The following WWOX variants were observed in gnomAD, a reference collection of about 807,000 sequenced individuals.
The protein encoded by WWOX is WW domain-containing oxidoreductase.
In WWOX, 69 loss-of-function variants were observed where a neutral mutation model predicts 46.2. The ratio of observed to expected loss-of-function variants is 1.49; its 90% CI spans 1.23 to 1.82. The LOEUF is 1.82. Ranked by LOEUF, WWOX falls within the 40% of genes most tolerant of loss-of-function variation. The probability of loss-of-function intolerance (pLI) is 0.00; values close to 1 mark genes in which losing one functional copy is unlikely to be tolerated. For synonymous variants in WWOX, 359 were observed against 202.6 expected (o/e 1.77, Z -6.56); for missense variants, 919 against 542.6 (o/e 1.69, Z -6.89).
intron 8 of WWOX, among the ~76,000 whole-genome samples, chr16:78,500,878 C>G (rs1198806429): frequency 1.3e-5 from 2 of 152,172 alleles, no homozygotes; most frequent in Admixed American, 6.5e-5. Context: ...TTTTCTGGCT[C>G]AAAGAAGTTC....
intron 8 of WWOX, among the ~76,000 whole-genome samples, chr16:79,195,078 A>T (rs1201988889): frequency 6.6e-6 from 1 of 152,124 alleles, no homozygotes; most frequent in East Asian, 1.9e-4. Context: ...CGGATGGCTA[A>T]AGTGTGAGCA....
chr16:79,029,942 C>G lies in WWOX; in HGVS notation c.1057-181666C>G, dbSNP rs116402150. Among the ~76,000 whole-genome samples the G allele has an allele frequency of 3.8e-3, 577 of 152,182 alleles. 3 individuals carry two copies. Among genetic ancestry groups the G allele is most frequent in the African/African-American group, 0.012 (510 of 41,518 alleles). Reference sequence around the variant, plus strand: ...TACTGGTATAATAGGGGCCAAGAGCCGTTGTGTTTTATAATTTCTTGATGA... The same window carrying G: ...TACTGGTATAATAGGGGCCAAGAGCGGTTGTGTTTTATAATTTCTTGATGA... On this transcript the variant is annotated intron_variant, in intron 8 of 8. Coordinates refer to ENST00000566780, the MANE Select transcript of WWOX (RefSeq NM_016373.4).
At chr16:78,113,592 T>G (rs1306504999) in intron 3 of WWOX, among the ~76,000 whole-genome samples, 1 of 152,160 alleles carries the variant, frequency 6.6e-6, no homozygotes, top group South Asian at 2.1e-4. Context: ...CTGAGCCTGT[T>G]GCAGTGGGGT....
chr16:78,923,794 GTTTTTT>G (rs56852814), intron 8 of WWOX, among the ~76,000 whole-genome samples: 8 of 102,166 alleles, frequency 7.8e-5, no homozygotes, highest in African/African-American at 2.3e-4. Flanking sequence ...TTTTTAGTTA[GTTTTTT>G]TTTTTTTTTT....
chr16:79,132,428 C>A (rs1381434988), intron 8 of WWOX, among the ~76,000 whole-genome samples: 1 of 152,052 alleles, frequency 6.6e-6, no homozygotes, highest in Non-Finnish European at 1.5e-5. Context: ...AAGCCACAGC[C>A]AGTGTTACAG....
At chr16:78,964,033 G>C (rs906454890) in intron 8 of WWOX, among the ~76,000 whole-genome samples, 2 of 152,182 alleles carry the variant, frequency 1.3e-5, no homozygotes, top group Non-Finnish European at 2.9e-5. Context: ...GACCTCCCCA[G>C]CCATGTAGAA....
At chr16:78,765,325 C>T (rs1269490723) in intron 8 of WWOX, among the ~76,000 whole-genome samples, 1 of 152,226 alleles carries the variant, frequency 6.6e-6, no homozygotes, top group African/African-American at 2.4e-5. Flanking sequence ...AGGCGTTGAA[C>T]ACTAGGGTGA....
intron 5 of WWOX, among the ~76,000 whole-genome samples, chr16:78,355,042 G>A (rs1004075408): frequency 2.0e-5 from 3 of 151,986 alleles, no homozygotes; most frequent in East Asian, 1.9e-4. Flanking sequence ...TGAGGCAGGC[G>A]AACTGCTTGA....
chr16:79,101,887 G>A (rs996252175), intron 8 of WWOX: 2 of 151,340 alleles, frequency 1.3e-5, no homozygotes, highest in Admixed American at 6.6e-5. Context: ...AGAGTGGAAG[G>A]CTTTCATGCA....
At chr16:78,189,002 A>T (rs2035797042) in intron 5 of WWOX, among the ~76,000 whole-genome samples, 1 of 152,082 alleles carries the variant, frequency 6.6e-6, no homozygotes, top group Non-Finnish European at 1.5e-5. Flanking sequence ...CAGGAAGGTA[A>T]AATTTGGAGG....
At chr16:78,735,259 C>A (rs1045565335) in intron 8 of WWOX, among the ~76,000 whole-genome samples, 2 of 152,060 alleles carry the variant, frequency 1.3e-5, no homozygotes, top group South Asian at 4.2e-4. Context: ...AACTACACAT[C>A]AGTTCTCCTG....
At chr16:78,995,482 T>C (rs1003748248) in intron 8 of WWOX, among the ~76,000 whole-genome samples, 2 of 152,118 alleles carry the variant, frequency 1.3e-5, no homozygotes, top group African/African-American at 4.8e-5. Context: ...TAAAACCAAG[T>C]TCTTTGTAAA....
At chr16:78,962,439 G>C (rs1229547039) in intron 8 of WWOX, among the ~76,000 whole-genome samples, 4 of 150,520 alleles carry the variant, frequency 2.7e-5, no homozygotes, top group Non-Finnish European at 5.9e-5. Context: ...TTTCCTTGTA[G>C]GCCAAGCTTA....
chr16:78,680,776 T>C (rs2047711412), intron 8 of WWOX, among the ~76,000 whole-genome samples: 1 of 152,140 alleles, frequency 6.6e-6, no homozygotes. Context: ...ATGGAGCACT[T>C]AGCCCAGTGT....
intron 8 of WWOX, among the ~76,000 whole-genome samples, chr16:79,092,911 C>T (rs1158837821): frequency 6.6e-6 from 1 of 152,166 alleles, no homozygotes; most frequent in Non-Finnish European, 1.5e-5. Flanking sequence ...GGCCCATTTT[C>T]ATGGATGGAC....
At chr16:78,981,533 G>A (rs2046682784) in intron 8 of WWOX, among the ~76,000 whole-genome samples, 1 of 151,844 alleles carries the variant, frequency 6.6e-6, no homozygotes, top group Non-Finnish European at 1.5e-5. Context: ...CACTTTCCGG[G>A]TTCAGGTGAT....
intron 8 of WWOX, among the ~76,000 whole-genome samples, chr16:78,565,525 T>G (rs1383446616): frequency 6.6e-6 from 1 of 152,210 alleles, no homozygotes; most frequent in African/African-American, 2.4e-5. Context: ...CTCTGGCCAC[T>G]CTCTTATAAG....
At chr16:78,891,722 A>G (rs1450775933) in intron 8 of WWOX, 1 of 152,206 alleles carries the variant, frequency 6.6e-6, no homozygotes, top group Non-Finnish European at 1.5e-5. Flanking sequence ...TTGGTCAAGA[A>G]AGAGTCTCAG....
intron 8 of WWOX, among the ~76,000 whole-genome samples, chr16:79,071,894 G>A (rs1205124473): frequency 6.6e-6 from 1 of 152,198 alleles, no homozygotes; most frequent in African/African-American, 2.4e-5. Context: ...TGCACCAGAT[G>A]GTCTCATTGG....
Sources: gnomAD v4.1 joint callset for allele counts (sites outside exome capture counted in the v4.1 genomes callset) on GRCh38, gnomAD v4.1.1 for gene constraint, MANE v1.5 for transcripts, NCBI Gene and HGNC (gene_info 2026-07-23, HGNC 2026-07-21) for gene names.